TAFA1: variants seen among roughly 807,000 people sequenced by gnomAD.
TAFA1 encodes the protein chemokine-like protein TAFA-1.
A neutral mutation model predicts 18.5 loss-of-function variants in TAFA1; 4 were observed. The observed-to-expected ratio is 0.22, with a 90% CI of 0.11 to 0.49. The LOEUF is 0.49. Among genes scored for constraint, TAFA1 ranks in the 20% least tolerant of loss-of-function variants. The probability of loss-of-function intolerance (pLI) is 0.98; values close to 1 mark genes in which losing one functional copy is unlikely to be tolerated. For missense variants in TAFA1, 147 were observed against 169.0 expected, an observed-to-expected ratio of 0.87 and a Z score of 0.72; for synonymous variants, 56 against 55.2, an observed-to-expected ratio of 1.01 and a Z score of -0.06.
At chr3:68,421,811 A>G (rs1208099339) in intron 3 of TAFA1, among the ~76,000 whole-genome samples, 1 of 152,110 alleles carries the variant, frequency 6.6e-6, no homozygotes, top group East Asian at 1.9e-4. Flanking sequence ...GTAAATGTGG[A>G]TAATGCTTAG....
intron 3 of TAFA1, among the ~76,000 whole-genome samples, chr3:68,467,185 T>C (rs939716886): frequency 2.0e-5 from 3 of 152,192 alleles, no homozygotes; most frequent in African/African-American, 7.2e-5. Flanking sequence ...AGATTTCATA[T>C]TGTTCAAACA....
intron 3 of TAFA1, among the ~76,000 whole-genome samples, chr3:68,534,297 T>A (rs945294936): frequency 2.6e-5 from 4 of 152,194 alleles, no homozygotes; most frequent in African/African-American, 9.6e-5. Flanking sequence ...TAGCCAAATT[T>A]CTCTTCGCCT....
chr3:68,306,808 A>G (rs67417462), intron 2 of TAFA1, among the ~76,000 whole-genome samples: 19,461 of 152,154 alleles, frequency 0.13, 1,874 homozygotes, highest in East Asian at 0.45. Context: ...ATCTTTCTCT[A>G]AAGTGTCCAC....
At chr3:68,212,830 G>T (rs909131019) in intron 2 of TAFA1, among the ~76,000 whole-genome samples, 1 of 151,974 alleles carries the variant, frequency 6.6e-6, no homozygotes, top group Non-Finnish European at 1.5e-5. Flanking sequence ...ACCCATGTGC[G>T]ATCTTTACTT....
chr3:68,149,967 G>A (rs1257023941), intron 2 of TAFA1, among the ~76,000 whole-genome samples: 1 of 152,160 alleles, frequency 6.6e-6, no homozygotes, highest in Non-Finnish European at 1.5e-5. Context: ...ACCTCCACCT[G>A]AAAAGCTGTA....
At chr3:68,120,175 TTCTTTCTTTCTTTCTTTC>T (rs1218728247) in intron 2 of TAFA1, among the ~76,000 whole-genome samples, 29 of 17,142 alleles carry the variant, frequency 1.7e-3, no homozygotes, top group Admixed American at 0.015. Flanking sequence ...TTCTTTCTCT[TTCTTTCTTTCTTTCTTTC>T]TTTCTTTCTT....
At chr3:68,278,052 A>C (rs1458821777) in intron 2 of TAFA1, among the ~76,000 whole-genome samples, 1 of 152,272 alleles carries the variant, frequency 6.6e-6, no homozygotes, top group African/African-American at 2.4e-5. Context: ...TTTTCTGTAG[A>C]TAGGCTAGAA....
chr3:68,184,671 C>T (rs1039444981), intron 2 of TAFA1, among the ~76,000 whole-genome samples: 4 of 151,976 alleles, frequency 2.6e-5, no homozygotes, highest in Admixed American at 6.6e-5. Flanking sequence ...AGGTGTTGAA[C>T]GAATATTAGG....
chr3:68,460,904 A>G (rs532139134), intron 3 of TAFA1, among the ~76,000 whole-genome samples: 2 of 152,330 alleles, frequency 1.3e-5, no homozygotes, highest in African/African-American at 2.4e-5. Flanking sequence ...GAAAAGAAAT[A>G]TATCTTAAAA....
intron 2 of TAFA1, among the ~76,000 whole-genome samples, chr3:68,154,464 A>T (rs1350585636): frequency 6.6e-6 from 1 of 152,162 alleles, no homozygotes; most frequent in Non-Finnish European, 1.5e-5. Flanking sequence ...TTTTGCTTCT[A>T]GATTATAGTA....
At chr3:68,110,268 G>T (rs953166878) in intron 2 of TAFA1, among the ~76,000 whole-genome samples, 4 of 152,120 alleles carry the variant, frequency 2.6e-5, no homozygotes, top group East Asian at 3.9e-4. Context: ...CAGGATAATG[G>T]CTTCCAGCTC....
intron 2 of TAFA1, among the ~76,000 whole-genome samples, chr3:68,334,721 T>C (rs540033846): frequency 4.2e-4 from 64 of 152,258 alleles, no homozygotes; most frequent in African/African-American, 1.2e-3. Context: ...ACTCGTGCTA[T>C]ATGTCTCACT....
chr3:68,129,917 T>G (rs191682502), intron 2 of TAFA1, among the ~76,000 whole-genome samples: 93 of 152,334 alleles, frequency 6.1e-4, no homozygotes, highest in East Asian at 4.8e-3. Flanking sequence ...CTCATACATG[T>G]TAGCTCATTA....
intron 3 of TAFA1, among the ~76,000 whole-genome samples, chr3:68,499,084 T>A (rs1461927169): frequency 6.6e-6 from 1 of 152,072 alleles, no homozygotes; most frequent in Non-Finnish European, 1.5e-5. Flanking sequence ...GGAGAAATCA[T>A]CAAAGAGATA....
intron 2 of TAFA1, among the ~76,000 whole-genome samples, chr3:68,287,811 A>G (rs146949925): frequency 1.0e-4 from 15 of 148,556 alleles, no homozygotes; most frequent in African/African-American, 3.7e-4. Flanking sequence ...TGTGAAATCT[A>G]ATTATACCTC....
chr3:68,245,958 A>G (rs985177495), intron 2 of TAFA1, among the ~76,000 whole-genome samples: 3 of 152,184 alleles, frequency 2.0e-5, no homozygotes, highest in African/African-American at 4.8e-5. Context: ...ACACAGGCAT[A>G]GGTAATAAAG....
rs994447414 is a variant in TAFA1, at chr3:68,132,418, G to T, written c.118+125674G>T. The stretch of plus-strand genomic sequence containing the variant: ...AGTAATGGGATTGCTGGGTCAAATG[G>T]TATTTCTGGTTCTAGATCCTTGAGG... On this transcript the variant is annotated intron_variant, in intron 2 of 4. Coordinates refer to ENST00000478136, the MANE Select transcript of TAFA1 (RefSeq NM_213609.4). 2.6e-5 allele frequency among the ~76,000 whole-genome samples: 4 copies of T among 152,132 alleles called. No individual in the cohort carries two copies. In the South Asian group the frequency reaches 6.2e-4, roughly 24 times the overall value.
In TAFA1 at chr3:68,044,654, A is replaced by G. The variant is rs145371149; in HGVS notation, c.118+37910A>G. 1.1e-3 allele frequency among the ~76,000 whole-genome samples: 161 copies of G among 152,326 alleles called. 2 individuals carry two copies. The East Asian group carries it at 0.026, about 24-fold the overall frequency. ...ATATTGACATTGATAGTCAAATAGG[A>G]GATGAAAGTAGAGAGAGAGAAAGTG... On this transcript the variant is annotated intron_variant, in intron 2 of 4. Coordinates refer to ENST00000478136, the MANE Select transcript of TAFA1 (RefSeq NM_213609.4).
At chr3:68,278,894 A>G (rs755223894) in intron 2 of TAFA1, among the ~76,000 whole-genome samples, 8 of 152,172 alleles carry the variant, frequency 5.3e-5, no homozygotes, top group Non-Finnish European at 7.4e-5. Context: ...GTTTGTTAGC[A>G]TTGTTCTAGA....
Sources: gnomAD v4.1 joint callset for allele counts (sites outside exome capture counted in the v4.1 genomes callset) on GRCh38, gnomAD v4.1.1 for gene constraint, MANE v1.5 for transcripts, NCBI Gene and HGNC (gene_info 2026-07-23, HGNC 2026-07-21) for gene names.